The following FUT9 variants were observed in gnomAD, a reference collection of about 807,000 sequenced individuals.
FUT9 encodes fucosyltransferase 9.
A neutral mutation model predicts 29.7 loss-of-function variants in FUT9; 15 were observed. The ratio of observed to expected loss-of-function variants is 0.51; its 90% CI spans 0.34 to 0.78. The LOEUF is 0.78. Among genes scored for constraint, FUT9 ranks in the 30% least tolerant of loss-of-function variants. The pLI, the probability that FUT9 is intolerant of heterozygous loss-of-function variation, is 0.01. For missense variants in FUT9, 319 were observed against 425.4 expected, an observed-to-expected ratio of 0.75 and a Z score of 2.20; for synonymous variants, 169 against 153.7, an observed-to-expected ratio of 1.10 and a Z score of -0.74.
intron 1 of FUT9, among the ~76,000 whole-genome samples, chr6:96,090,791 T>C (rs1046730479): frequency 3.3e-5 from 5 of 152,006 alleles, no homozygotes; most frequent in African/African-American, 1.2e-4. Context: ...TCATTGGTCA[T>C]ATTTGTATGT....
chr6:96,157,867 A>T (rs894661770), intron 2 of FUT9, among the ~76,000 whole-genome samples: 1 of 152,148 alleles, frequency 6.6e-6, no homozygotes, highest in African/African-American at 2.4e-5. Context: ...TTCTTTAGAG[A>T]CAGGCTCATT....
At chr6:96,094,816 C>A (rs1771468460) in intron 1 of FUT9, among the ~76,000 whole-genome samples, 1 of 151,812 alleles carries the variant, frequency 6.6e-6, no homozygotes, top group Non-Finnish European at 1.5e-5. Context: ...AAACCTGTGT[C>A]CTAGGAAGAC....
At chr6:96,144,653 T>A (rs749703246) in intron 2 of FUT9, among the ~76,000 whole-genome samples, 8 of 152,094 alleles carry the variant, frequency 5.3e-5, no homozygotes, top group Admixed American at 2.6e-4. Flanking sequence ...AGGCTAATTA[T>A]AAAAGAAAAT....
chr6:96,133,642 A>C (rs377257675), intron 2 of FUT9, among the ~76,000 whole-genome samples: 49 of 152,014 alleles, frequency 3.2e-4, no homozygotes, highest in African/African-American at 8.2e-4. Flanking sequence ...TCATACATTG[A>C]ACTTACTGCC....
intron 1 of FUT9, among the ~76,000 whole-genome samples, chr6:96,113,361 C>T (rs1175604433): frequency 6.6e-6 from 1 of 151,886 alleles, no homozygotes; most frequent in Non-Finnish European, 1.5e-5. Context: ...GCCTCAGCCT[C>T]CCCAGTAGCT....
rs1562143911 is a variant in FUT9, at chr6:96,151,726, T to C, written c.-9+37599T>C. Among the ~76,000 whole-genome samples, 2 of 152,330 alleles carry C rather than the reference T, an allele frequency of 1.3e-5. 1 individual carries two copies. The highest frequency in any genetic ancestry group is 3.9e-4 in the East Asian group (2 of 5,180). Reference sequence around the variant, plus strand: ...TCCATATCTCTCATGAGCTCTGAGTTTCAGCTACGATATTTTGAACCTAAG... The same window carrying C: ...TCCATATCTCTCATGAGCTCTGAGTCTCAGCTACGATATTTTGAACCTAAG... On this transcript the variant is annotated intron_variant, in intron 2 of 2. Transcript: ENST00000302103.
intron 2 of FUT9, among the ~76,000 whole-genome samples, chr6:96,159,267 A>G (rs1344979318): frequency 6.6e-6 from 1 of 152,148 alleles, no homozygotes; most frequent in East Asian, 1.9e-4. Context: ...TGATTTTTGA[A>G]TCAACAGAGA....
chr6:96,088,570 G>A (rs931400461), intron 1 of FUT9, among the ~76,000 whole-genome samples: 37 of 148,576 alleles, frequency 2.5e-4, no homozygotes, highest in Non-Finnish European at 2.4e-4. Flanking sequence ...GTGTGTGTGC[G>A]TGCGCGCGCG....
intron 2 of FUT9, among the ~76,000 whole-genome samples, chr6:96,163,463 G>A (rs1772951474): frequency 6.6e-6 from 1 of 152,138 alleles, no homozygotes; most frequent in Non-Finnish European, 1.5e-5. Flanking sequence ...AACAGTAGCT[G>A]AGCTGAGCCT....
chr6:96,109,873 G>T (rs1230163437), intron 1 of FUT9, among the ~76,000 whole-genome samples: 1 of 152,142 alleles, frequency 6.6e-6, no homozygotes, highest in Non-Finnish European at 1.5e-5. Flanking sequence ...ACCTGCTGCT[G>T]CCTGGCTGTC....
chr6:96,118,218 A>T (rs1771949195), intron 2 of FUT9, among the ~76,000 whole-genome samples: 1 of 152,076 alleles, frequency 6.6e-6, no homozygotes, highest in Non-Finnish European at 1.5e-5. Context: ...AAAAAAAAAA[A>T]AAAAAGTCCT....
chr6:96,188,186 T>C (rs1316654505), intron 2 of FUT9, among the ~76,000 whole-genome samples: 1 of 152,122 alleles, frequency 6.6e-6, no homozygotes, highest in South Asian at 2.1e-4. Context: ...ATAAAATAAA[T>C]TTTCATTCAT....
At chr6:96,097,601 C>T (rs778797693) in intron 1 of FUT9, among the ~76,000 whole-genome samples, 2 of 116,760 alleles carry the variant, frequency 1.7e-5, no homozygotes, top group Non-Finnish European at 3.8e-5. Context: ...AACTGTTGAT[C>T]GATAACTTTC....
chr6:96,191,542 AT>A (rs1260095697), intron 2 of FUT9, among the ~76,000 whole-genome samples: 1 of 152,194 alleles, frequency 6.6e-6, no homozygotes, highest in African/African-American at 2.4e-5. Flanking sequence ...AAGAAGTGGA[AT>A]ACCTGAATAG....
intron 2 of FUT9, among the ~76,000 whole-genome samples, chr6:96,128,591 CAT>C (rs1772174966): frequency 6.6e-6 from 1 of 152,028 alleles, no homozygotes; most frequent in Non-Finnish European, 1.5e-5. Context: ...ATTTTAAAAA[CAT>C]ATATTGTTTG....
chr6:96,048,618 G>T (rs975565537), intron 1 of FUT9, among the ~76,000 whole-genome samples: 1 of 152,202 alleles, frequency 6.6e-6, no homozygotes, highest in African/African-American at 2.4e-5. Context: ...ATTGATTTAA[G>T]TTCCTATGAT....
chr6:96,211,908 A>T lies in FUT9; in HGVS notation c.*7673A>T. 1 of 405,532 alleles carries T rather than the reference A, an allele frequency of 2.5e-6. No individual in the cohort carries two copies. Among genetic ancestry groups the T allele is most frequent in the Non-Finnish European group, 4.5e-6 (1 of 221,306 alleles). The allele number at this position is 405,532 out of a possible 1,614,324, so 25.1% of individuals were successfully genotyped here. A position where few individuals can be genotyped will look rare whatever the true frequency, so the allele number is the denominator to read the frequency against. On this transcript the variant is annotated 3_prime_UTR_variant, in exon 3 of 3. Transcript: ENST00000302103. ...TTCTGAGTTCTCTGGAAACCAAACA[A>T]TTTTGAATTAGTTGTGTAAGTAAAG... is the stretch of plus-strand genomic sequence containing the variant.
intron 2 of FUT9, among the ~76,000 whole-genome samples, chr6:96,137,932 G>T (rs909158183): frequency 6.6e-6 from 1 of 151,936 alleles, no homozygotes; most frequent in African/African-American, 2.4e-5. Context: ...ACATATTAAG[G>T]TATGCCTGAA....
At position 96,212,696 on chromosome 6, in the gene FUT9, A is replaced by G. The variant is rs1252264654; in HGVS notation, c.*8461A>G. ...AACTGGTCAAAATTACTTGAATGAA[A>G]TTGTTGAGGTTAAACATCTTCATTA... On this transcript the variant is annotated 3_prime_UTR_variant, in exon 3 of 3. Transcript: ENST00000302103. The G allele has an allele frequency of 4.9e-6, 1 of 205,980 alleles. No homozygotes were observed. Among genetic ancestry groups the G allele is most frequent in the African/African-American group, 2.3e-5 (1 of 43,154 alleles). 12.8% of individuals were successfully genotyped at this position (205,980 alleles called of 1,614,324 possible).
Sources: allele counts gnomAD v4.1 joint callset (sites outside exome capture counted in the v4.1 genomes callset), GRCh38; gene constraint gnomAD v4.1.1; transcripts MANE v1.5; gene names NCBI Gene and HGNC (gene_info 2026-07-23, HGNC 2026-07-21).